Variants in SEC14L5 observed in about 807,000 individuals in gnomAD.
The protein encoded by SEC14L5 is SEC14-like protein 5.
In SEC14L5, 96 loss-of-function variants were observed where a neutral mutation model predicts 84.6. The ratio of observed to expected loss-of-function variants is 1.13; its 90% confidence interval spans 0.96 to 1.34. The LOEUF (loss-of-function observed/expected upper bound fraction) is 1.34. SEC14L5 is among the 40% of genes most tolerant of loss of function. The probability of loss-of-function intolerance (pLI) is 0.00; values close to 1 mark genes in which losing one functional copy is unlikely to be tolerated. For missense variants in SEC14L5, 1,224 were observed against 942.5 expected, an observed-to-expected ratio of 1.30 and a Z score of -3.91; for synonymous variants, 546 against 383.4, an observed-to-expected ratio of 1.42 and a Z score of -4.95.
chr16:4,959,450 C>G (rs934311340), intron 2 of SEC14L5, 64 bp downstream of exon 2: 1 of 1,376,638 alleles, frequency 7.3e-7, no homozygotes. Flanking sequence ...TCAGCTATGG[C>G]GGTAGGAAGA....
At position 4,975,813 on chromosome 16, in the gene SEC14L5, A is replaced by G. The variant is rs941636611; in HGVS notation, c.64-11744A>G. Among the ~76,000 whole-genome samples, 3 of 152,196 alleles carry G rather than the reference A, an allele frequency of 2.0e-5. No individual in the cohort carries two copies. The East Asian group carries it at 5.8e-4, about 29-fold the overall frequency. On this transcript the variant is annotated intron_variant, in intron 2 of 15. Coordinates refer to ENST00000251170, the MANE Select transcript of SEC14L5 (RefSeq NM_014692.2). ...TAGGGAGACTCCTGAAGAGTATGACAGGCGATGGGGGCACCTTACTCAGTG... is the reference window on the plus strand; with the variant it reads ...TAGGGAGACTCCTGAAGAGTATGACGGGCGATGGGGGCACCTTACTCAGTG...
At chr16:4,966,942 C>T (rs1046251283) in intron 2 of SEC14L5, among the ~76,000 whole-genome samples, 2 of 152,178 alleles carry the variant, frequency 1.3e-5, no homozygotes, top group Non-Finnish European at 1.5e-5. Context: ...CGGCCAAGCC[C>T]GGGAGTGTTT....
chr16:4,976,376 T>C (rs530838707), intron 2 of SEC14L5, among the ~76,000 whole-genome samples: 2 of 152,324 alleles, frequency 1.3e-5, no homozygotes, highest in Admixed American at 6.5e-5. Context: ...TGTAAATGTC[T>C]ATTGAGTGTG....
At chr16:4,959,416 T>C (rs1274302848) in intron 2 of SEC14L5, 30 bp downstream of exon 2, 3 of 1,601,740 alleles carry the variant, frequency 1.9e-6, no homozygotes, top group Admixed American at 1.7e-5. Context: ...TGGGCCCCCA[T>C]GTGACAGTTG....
At position 5,005,998 on chromosome 16, in the gene SEC14L5, G is replaced by C; in HGVS notation, c.1387G>C (p.Asp463His). 6.2e-7 allele frequency: 1 copy of C among 1,613,860 alleles called. No individual in the cohort carries two copies. Among genetic ancestry groups the C allele is most frequent in the East Asian group, 2.2e-5 (1 of 44,876 alleles). ...CTACCAGGGACCCGGAGGCCTTGTG[G>C]ACTATCTGGATAGAGAAGTGATCCC... The part of the protein sequence containing the change: ...SNYQGPGGLV[D>H]YLDREVIPDF... The change falls in exon 12 of 16, where the codon GAC (aspartate) becomes CAC (histidine). Residue 463 changes from aspartate (D) to histidine (H), a missense_variant. Coordinates refer to ENST00000251170, the MANE Select transcript of SEC14L5 (RefSeq NM_014692.2).
intron 4 of SEC14L5, among the ~76,000 whole-genome samples, chr16:4,989,829 A>G (rs1955533608): frequency 6.6e-6 from 1 of 152,086 alleles, no homozygotes; most frequent in Non-Finnish European, 1.5e-5. Flanking sequence ...GCTGCTTGCG[A>G]AATGCAGATT....
At chr16:4,981,332 G>A (rs560302118) in intron 2 of SEC14L5, among the ~76,000 whole-genome samples, 4 of 128,554 alleles carry the variant, frequency 3.1e-5, no homozygotes, top group Non-Finnish European at 6.3e-5. Context: ...GGCTGGTCTT[G>A]AACTCCTGAC....
rs765700967 is a variant in SEC14L5, at chr16:5,011,227, T to C, written c.1933T>C (p.Cys645Arg). The C allele has an allele frequency of 6.0e-5, 97 of 1,613,738 alleles. No homozygotes were observed. The highest frequency in any genetic ancestry group is 5.9e-5 in the Non-Finnish European group (70 of 1,179,884). The stretch of plus-strand genomic sequence containing the variant: ...GGCTCTGCACAGCCCCGGGCCCAAG[T>C]GCAAACTTCTCTACTACTGTGAGGT... ...LTALHSPGPK[C>R]KLLYYCEVLA... Residue 645 changes from cysteine (C) to arginine (R), a missense_variant, in exon 15 of 16, where the codon TGC becomes CGC. Transcript: ENST00000251170.
intron 10 of SEC14L5, among the ~76,000 whole-genome samples, chr16:5,001,293 C>G (rs951360627): frequency 6.8e-6 from 1 of 146,216 alleles, no homozygotes; most frequent in Non-Finnish European, 1.5e-5. Context: ...GAGTCTCGCT[C>G]TGTCGCCCAG....
chr16:4,968,106 C>T (rs1955229186), intron 2 of SEC14L5, among the ~76,000 whole-genome samples: 1 of 150,458 alleles, frequency 6.6e-6, no homozygotes, highest in Non-Finnish European at 1.5e-5. Context: ...GCAGCCTTGA[C>T]CTCCTGGAGG....
intron 10 of SEC14L5, among the ~76,000 whole-genome samples, chr16:5,002,236 C>T (rs1955685133): frequency 6.6e-6 from 1 of 152,120 alleles, no homozygotes; most frequent in African/African-American, 2.4e-5. Flanking sequence ...GCTGCTGCTT[C>T]AGCTTTTCAG....
chr16:4,964,310 C>G (rs35637419), intron 2 of SEC14L5, among the ~76,000 whole-genome samples: 40,762 of 151,682 alleles, frequency 0.27, 5,622 homozygotes, highest in Admixed American at 0.35. Flanking sequence ...GAACCAGGGC[C>G]GGGCATGGTG....
In SEC14L5 at chr16:5,006,000, C is replaced by G. The variant is rs773531595; in HGVS notation, c.1389C>G (p.Asp463Glu). 1.7e-5 allele frequency: 28 copies of G among 1,613,780 alleles called. No homozygotes were observed. The highest frequency in any genetic ancestry group is 2.3e-5 in the Non-Finnish European group (27 of 1,179,768). ...ACCAGGGACCCGGAGGCCTTGTGGA[C>G]TATCTGGATAGAGAAGTGATCCCTG... The part of the protein sequence containing the change: ...SNYQGPGGLV[D>E]YLDREVIPDF... The change falls in exon 12 of 16, where the codon GAC becomes GAG. Residue 463 changes from aspartate to glutamate, a missense_variant. Physicochemically the swap from Asp to Glu is conservative, Grantham distance 45 (BLOSUM62 2). Coordinates refer to ENST00000251170, the MANE Select transcript of SEC14L5 (RefSeq NM_014692.2).
chr16:4,964,729 C>A (rs1288932105), intron 2 of SEC14L5, among the ~76,000 whole-genome samples: 2 of 152,252 alleles, frequency 1.3e-5, no homozygotes, highest in East Asian at 1.9e-4. Context: ...AGCCACTGTG[C>A]CCCACCTCTT....
At chr16:4,966,661 A>T (rs1189502093) in intron 2 of SEC14L5, among the ~76,000 whole-genome samples, 1 of 152,068 alleles carries the variant, frequency 6.6e-6, no homozygotes, top group East Asian at 1.9e-4. Context: ...TCGACAGAGG[A>T]GGAGACTAAG....
intron 12 of SEC14L5, among the ~76,000 whole-genome samples, chr16:5,006,936 G>A (rs1370245224): frequency 6.6e-6 from 1 of 152,044 alleles, no homozygotes; most frequent in Admixed American, 6.6e-5. Context: ...CGATGAGCAC[G>A]GTGCAGTGAC....
chr16:4,999,491 A>T (rs1373479534), intron 8 of SEC14L5, among the ~76,000 whole-genome samples: 1 of 152,034 alleles, frequency 6.6e-6, no homozygotes, highest in Non-Finnish European at 1.5e-5. Flanking sequence ...ATGGTGCTGC[A>T]TGCCTGTGGT....
intron 12 of SEC14L5, among the ~76,000 whole-genome samples, chr16:5,006,994 G>A (rs552696524): frequency 1.3e-5 from 2 of 152,172 alleles, no homozygotes; most frequent in African/African-American, 4.8e-5. Flanking sequence ...TATGGGGTGC[G>A]GTGTGGAGAG....
intron 10 of SEC14L5, among the ~76,000 whole-genome samples, chr16:5,001,662 G>A (rs1242648978): frequency 6.6e-6 from 1 of 152,128 alleles, no homozygotes; most frequent in East Asian, 1.9e-4. Flanking sequence ...ACTGTCCTCT[G>A]ACTCCCCCGC....
Sources: allele counts gnomAD v4.1 joint callset (sites outside exome capture counted in the v4.1 genomes callset), GRCh38; gene constraint gnomAD v4.1.1; transcripts MANE v1.5; gene names NCBI Gene and HGNC (gene_info 2026-07-23, HGNC 2026-07-21).